The following ABLIM2 variants were observed in gnomAD, a reference collection of about 807,000 sequenced individuals.
The protein encoded by ABLIM2 is actin binding LIM protein family member 2, also known as actin-binding LIM protein 2.
A neutral mutation model predicts 97.7 loss-of-function variants in ABLIM2; 53 were observed. The ratio of observed to expected loss-of-function variants is 0.54; its 90% confidence interval spans 0.44 to 0.68. The LOEUF (loss-of-function observed/expected upper bound fraction) is 0.68, where lower values mean the gene tolerates loss of function less well. Among genes scored for constraint, ABLIM2 ranks in the 30% least tolerant of loss-of-function variants. The probability of loss-of-function intolerance (pLI) is 0.00; values close to 1 mark genes in which losing one functional copy is unlikely to be tolerated. For missense variants in ABLIM2, 835 were observed against 867.2 expected, an observed-to-expected ratio of 0.96 and a Z score of 0.47; for synonymous variants, 361 against 345.8, an observed-to-expected ratio of 1.04 and a Z score of -0.49.
chr4:8,019,502 C>T lies in ABLIM2; in HGVS notation c.1423+116G>A, dbSNP rs542211437. 7.0e-6 allele frequency: 7 copies of T among 994,562 alleles called. No individual in the cohort carries two copies. The South Asian group carries it at 9.8e-5, about 14-fold the overall frequency. 61.6% of individuals were successfully genotyped at this position (994,562 alleles called of 1,614,324 possible). On this transcript the variant is annotated intron_variant, in intron 14 of 20. Transcript: ENST00000447017. The surrounding 1 kb of genome is among the most constrained non-coding windows in gnomAD (Gnocchi z 4.3). ...ATTTAATAGTCAGACTGCTAAGGGC[C>T]TTGGTGGTGCCTTCACTGCATTTAT...
In ABLIM2 at chr4:7,966,965, C is replaced by T. The variant is rs1237830157; in HGVS notation, c.*25G>A. The T allele has an allele frequency of 6.3e-7, 1 of 1,598,930 alleles. No homozygotes were observed. The highest frequency in any genetic ancestry group is 8.6e-7 in the Non-Finnish European group (1 of 1,168,904). On this transcript the variant is annotated 3_prime_UTR_variant, in exon 21 of 21. Coordinates refer to ENST00000447017, the MANE Select transcript of ABLIM2 (RefSeq NM_001130083.2). The stretch of plus-strand genomic sequence containing the variant: ...GCCCCTGGCCTCGGCGCCCGGCACA[C>T]ACCAGTGGGGCAGGCTGGCAGCCGT...
intron 16 of ABLIM2, among the ~76,000 whole-genome samples, chr4:7,995,395 GC>G (rs760305892): frequency 3.9e-5 from 6 of 152,208 alleles, no homozygotes; most frequent in Admixed American, 2.0e-4. Flanking sequence ...GGCTCACAAG[GC>G]CACATGTCTG....
intron 1 of ABLIM2, among the ~76,000 whole-genome samples, chr4:8,144,254 A>G (rs1437849525): frequency 6.6e-6 from 1 of 152,166 alleles, no homozygotes; most frequent in African/African-American, 2.4e-5. Flanking sequence ...TTCCAGCAAA[A>G]TACTCTTTCT....
intron 15 of ABLIM2, 146 bp downstream of exon 15, chr4:8,008,904 G>C: frequency 1.2e-6 from 1 of 839,560 alleles, no homozygotes; most frequent in Non-Finnish European, 1.9e-6. Context: ...GAAACTGATG[G>C]AAGGGCCTCC....
At chr4:8,105,533 G>A (rs1486085791) in intron 2 of ABLIM2, among the ~76,000 whole-genome samples, 1 of 152,176 alleles carries the variant, frequency 6.6e-6, no homozygotes, top group African/African-American at 2.4e-5. Flanking sequence ...TCAATTATCG[G>A]CTTGTGGCAC....
chr4:7,984,760 G>A, intron 18 of ABLIM2, 79 bp downstream of exon 18: 3 of 1,434,176 alleles, frequency 2.1e-6, no homozygotes, highest in Non-Finnish European at 2.8e-6. Flanking sequence ...CGGATGGGGT[G>A]GTTTCAGAAC....
chr4:8,061,101 G>T lies in ABLIM2; in HGVS notation c.676-47C>A. 6.6e-7 allele frequency: 1 copy of T among 1,526,060 alleles called. No homozygotes were observed. The allele number at this position is 1,526,060 out of a possible 1,614,324, so 94.5% of individuals were successfully genotyped here. ...GAATGTTTCTACTAAAGCCAGAAAG[G>T]TCGGCTGGGTCCCAGCGCCCGGCAT... On this transcript the variant is annotated intron_variant, in intron 6 of 20. Transcript: ENST00000447017. The surrounding 1 kb of genome is among the most constrained non-coding windows in gnomAD (Gnocchi z 4.5).
At chr4:8,118,741 C>T (rs112545267) in intron 1 of ABLIM2, among the ~76,000 whole-genome samples, 10 of 152,314 alleles carry the variant, frequency 6.6e-5, no homozygotes, top group African/African-American at 1.4e-4. Flanking sequence ...ATTCCTGCTC[C>T]GGGGAGCACT....
rs1467589919 is a variant in ABLIM2 at position 8,046,490 on chromosome 4, G to A, written c.823-1249C>T. On this transcript the variant is annotated intron_variant, in intron 8 of 20. Coordinates refer to ENST00000447017, the MANE Select transcript of ABLIM2 (RefSeq NM_001130083.2). The surrounding 1 kb of genome is among the most constrained non-coding windows in gnomAD (Gnocchi z 4.4). ...CCAGCCCTCAGCAGCCAAGAGCTCA[G>A]CCCTCACTCTCCCCACGGCCCCCAC... 1.3e-5 allele frequency among the ~76,000 whole-genome samples: 2 copies of A among 152,088 alleles called. No individual in the cohort carries two copies. Among genetic ancestry groups the A allele is most frequent in the African/African-American group, 2.4e-5 (1 of 41,402 alleles).
chr4:8,055,048 GT>G (rs556582664), intron 7 of ABLIM2, among the ~76,000 whole-genome samples: 261 of 144,602 alleles, frequency 1.8e-3, no homozygotes, highest in African/African-American at 5.1e-3. Context: ...CTTTGTTTTT[GT>G]TTTTTTTTTT....
chr4:8,007,078 C>G (rs1761935995), intron 16 of ABLIM2: 1 of 985,336 alleles, frequency 1.0e-6, no homozygotes, highest in African/African-American at 1.7e-5. Context: ...GCTTCTGTGT[C>G]TTCACTCTTT....
chr4:8,135,627 C>T (rs1379386099), intron 1 of ABLIM2, among the ~76,000 whole-genome samples: 1 of 152,240 alleles, frequency 6.6e-6, no homozygotes, highest in Non-Finnish European at 1.5e-5. Context: ...GACCTCCAGC[C>T]TCCAGGACTG....
At position 8,005,903 on chromosome 4, in the gene ABLIM2, A is replaced by T. The variant is rs1760974546; in HGVS notation, c.1618+2156T>A. 6.6e-6 allele frequency among the ~76,000 whole-genome samples: 1 copy of T among 152,246 alleles called. No homozygotes were observed. Among genetic ancestry groups the T allele is most frequent in the Non-Finnish European group, 1.5e-5 (1 of 68,038 alleles). ...GGAGCAGAATCTCCCCGGGGAATTC[A>T]TGAGTGCAGCACGGGCCATTGGAGT... On this transcript the variant is annotated intron_variant, in intron 16 of 20. Coordinates refer to ENST00000447017, the MANE Select transcript of ABLIM2 (RefSeq NM_001130083.2). This position sits in a 1 kb window ranked among gnomAD's most constrained non-coding sequence, Gnocchi z 4.9.
chr4:8,118,663 G>A (rs2152847523), intron 1 of ABLIM2, among the ~76,000 whole-genome samples: 1 of 151,634 alleles, frequency 6.6e-6, no homozygotes, highest in African/African-American at 2.4e-5. Context: ...CTTCCTCACT[G>A]CCCTCTGATC....
chr4:8,146,056 T>C (rs1851755903), intron 1 of ABLIM2, among the ~76,000 whole-genome samples: 1 of 152,208 alleles, frequency 6.6e-6, no homozygotes, highest in Non-Finnish European at 1.5e-5. Flanking sequence ...AGCACATTTT[T>C]TTTCTGAGAT....
Position 8,087,727 on chromosome 4 carries a change from A to G in ABLIM2, c.454+442T>C, listed in dbSNP as rs987406440. Reference sequence around the variant, plus strand: ...ATTAGATGGGAAAGCAGCAGTGGACATTAGATGGGAAAGCAGCAGTGGGCA... The same window carrying G: ...ATTAGATGGGAAAGCAGCAGTGGACGTTAGATGGGAAAGCAGCAGTGGGCA... On this transcript the variant is annotated intron_variant, in intron 4 of 20. Transcript: ENST00000447017. This position sits in a 1 kb window ranked among gnomAD's most constrained non-coding sequence, Gnocchi z 4.6. Among the ~76,000 whole-genome samples, 1 of 151,790 alleles carries G rather than the reference A, an allele frequency of 6.6e-6. No individual in the cohort carries two copies. Among genetic ancestry groups the G allele is most frequent in the South Asian group, 2.1e-4 (1 of 4,810 alleles).
chr4:7,967,115 A>G lies in ABLIM2; in HGVS notation c.1825-12T>C. On this transcript the variant is annotated splice_polypyrimidine_tract_variant and intron_variant, in intron 20 of 20. Coordinates refer to ENST00000447017, the MANE Select transcript of ABLIM2 (RefSeq NM_001130083.2). ...GGCGACAAGTGTCTCTTCAAACAAA[A>G]AGGCAAAACAGAAGGGACCAGTTAG... 6.2e-7 allele frequency: 1 copy of G among 1,610,566 alleles called. No homozygotes were observed. Among genetic ancestry groups the G allele is most frequent in the Non-Finnish European group, 8.5e-7 (1 of 1,177,672 alleles).
intron 6 of ABLIM2, among the ~76,000 whole-genome samples, chr4:8,070,856 G>A (rs1187667460): frequency 2.0e-5 from 3 of 152,160 alleles, no homozygotes; most frequent in Non-Finnish European, 4.4e-5. Context: ...CCAGGGGGAC[G>A]CTGGGCTTCT....
Position 8,069,061 on chromosome 4 carries a change from C to T in ABLIM2, c.676-8007G>A, listed in dbSNP as rs1184284954. ...ATCTGGGCCCTCCCCAGACCTTCCA[C>T]ACCCTCTGGAACACAGCTCCTCTTG... On this transcript the variant is annotated intron_variant, in intron 6 of 20. Transcript: ENST00000447017. The surrounding 1 kb of genome is among the most constrained non-coding windows in gnomAD (Gnocchi z 4.2). 6.6e-6 allele frequency among the ~76,000 whole-genome samples: 1 copy of T among 152,254 alleles called. No individual in the cohort carries two copies. The highest frequency in any genetic ancestry group is 2.4e-5 in the African/African-American group (1 of 41,472).
Sources: allele counts gnomAD v4.1 joint callset (sites outside exome capture counted in the v4.1 genomes callset), GRCh38; gene constraint gnomAD v4.1.1; non-coding constraint Gnocchi (gnomAD v3.1); transcripts MANE v1.5; gene names NCBI Gene and HGNC (gene_info 2026-07-23, HGNC 2026-07-21).